DLG2: variants seen among roughly 807,000 people sequenced by gnomAD.
DLG2 encodes disks large homolog 2.
DLG2 carries 45 observed loss-of-function variants against 132.5 expected under a neutral mutation model. The ratio of observed to expected loss-of-function variants is 0.34; its 90% CI spans 0.27 to 0.44. The LOEUF (loss-of-function observed/expected upper bound fraction) is 0.44. DLG2 is among the 20% of genes least tolerant of loss of function. DLG2 has a pLI of 1.00. For synonymous variants in DLG2, 424 were observed against 419.6 expected (o/e 1.01, Z -0.13); for missense variants, 1,045 against 1,196.9 (o/e 0.87, Z 1.87).
intron 6 of DLG2, among the ~76,000 whole-genome samples, chr11:84,703,857 G>GATATATATGTGTGTATATATATATATAT (rs1555174774): frequency 4.9e-5 from 5 of 102,714 alleles, no homozygotes; most frequent in African/African-American, 2.1e-4. Flanking sequence ...ATGTAGTGAA[G>GATATATATGTGTGTATATATATATATAT]ATATATATAT....
intron 6 of DLG2, among the ~76,000 whole-genome samples, chr11:85,025,857 A>G (rs952429748): frequency 1.3e-5 from 2 of 151,678 alleles, no homozygotes; most frequent in African/African-American, 2.4e-5. Context: ...TATGATAAAC[A>G]TAACATTCTA....
In DLG2 at chr11:83,594,889, T is replaced by C. The variant is rs577358537; in HGVS notation, c.1940+38322A>G. 3.9e-5 allele frequency among the ~76,000 whole-genome samples: 6 copies of C among 152,330 alleles called. No individual in the cohort carries two copies. In the South Asian group the frequency reaches 1.2e-3, roughly 32 times the overall value. ...AGAAATAGAATAGGCTTAGGCTCCATACAGCTGAGCTGAGTTTGAACTAAA... is the reference window on the plus strand; with the variant it reads ...AGAAATAGAATAGGCTTAGGCTCCACACAGCTGAGCTGAGTTTGAACTAAA... On this transcript the variant is annotated intron_variant, in intron 19 of 27. Transcript: ENST00000376104.
chr11:83,849,657 T>C (rs2059291891), intron 16 of DLG2, among the ~76,000 whole-genome samples: 1 of 152,094 alleles, frequency 6.6e-6, no homozygotes, highest in South Asian at 2.1e-4. Flanking sequence ...CAGAATTATT[T>C]GCTTTGTGAA....
chr11:83,930,959 A>T (rs951926578), intron 14 of DLG2, among the ~76,000 whole-genome samples: 2 of 152,230 alleles, frequency 1.3e-5, no homozygotes, highest in Non-Finnish European at 2.9e-5. Flanking sequence ...GAGTGGCACT[A>T]TACCAACTCT....
chr11:84,231,978 T>C (rs905171355), intron 8 of DLG2, among the ~76,000 whole-genome samples: 1 of 151,800 alleles, frequency 6.6e-6, no homozygotes, highest in East Asian at 1.9e-4. Context: ...AGAAATGTAA[T>C]GTGAGTTGAG....
intron 3 of DLG2, among the ~76,000 whole-genome samples, chr11:85,297,840 A>G (rs1219022242): frequency 6.6e-6 from 1 of 152,188 alleles, no homozygotes; most frequent in African/African-American, 2.4e-5. Flanking sequence ...AGAGCCTGAC[A>G]GAATGAGGAA....
chr11:85,411,263 C>T (rs903416720), intron 3 of DLG2, among the ~76,000 whole-genome samples: 1 of 150,702 alleles, frequency 6.6e-6, no homozygotes, highest in African/African-American at 2.4e-5. Context: ...AAAATAAGGA[C>T]AAAAAAGAGG....
chr11:85,025,215 T>C (rs867754231), intron 6 of DLG2, among the ~76,000 whole-genome samples: 28 of 152,190 alleles, frequency 1.8e-4, no homozygotes, highest in African/African-American at 6.0e-4. Flanking sequence ...TTATGTATAT[T>C]TGAGTACATA....
At chr11:83,763,667 A>T (rs2094012557) in intron 18 of DLG2, among the ~76,000 whole-genome samples, 1 of 152,214 alleles carries the variant, frequency 6.6e-6, no homozygotes, top group African/African-American at 2.4e-5. Context: ...GCTGCATCTT[A>T]CAGTTGATCA....
chr11:85,591,983 T>C (rs571488032), intron 3 of DLG2, among the ~76,000 whole-genome samples: 1 of 152,324 alleles, frequency 6.6e-6, no homozygotes, highest in South Asian at 2.1e-4. Context: ...ATCCTATTAA[T>C]AACAAGGCTC....
intron 3 of DLG2, among the ~76,000 whole-genome samples, chr11:85,594,247 C>A (rs758860895): frequency 6.6e-6 from 1 of 152,136 alleles, no homozygotes; most frequent in Non-Finnish European, 1.5e-5. Context: ...TGTAATACAT[C>A]TGCTGTATCA....
At chr11:84,793,220 C>T (rs1396838661) in intron 6 of DLG2, among the ~76,000 whole-genome samples, 1 of 152,072 alleles carries the variant, frequency 6.6e-6, no homozygotes, top group African/African-American at 2.4e-5. Context: ...TGTAATGTTT[C>T]AAAATTCGTC....
At chr11:84,378,421 A>C (rs1162486423) in intron 7 of DLG2, among the ~76,000 whole-genome samples, 1 of 152,166 alleles carries the variant, frequency 6.6e-6, no homozygotes, top group African/African-American at 2.4e-5. Context: ...GTGAGAAAAT[A>C]AATTTCTATT....
intron 6 of DLG2, among the ~76,000 whole-genome samples, chr11:85,066,309 A>C (rs1365081850): frequency 6.6e-6 from 1 of 150,778 alleles, no homozygotes; most frequent in East Asian, 2.0e-4. Context: ...GCAATAAAAA[A>C]CTCCCCTCCC....
chr11:84,573,304 T>G (rs1357374782), intron 6 of DLG2, among the ~76,000 whole-genome samples: 1 of 152,160 alleles, frequency 6.6e-6, no homozygotes, highest in African/African-American at 2.4e-5. Flanking sequence ...GATATCAATT[T>G]TCCATTTATA....
Position 84,806,878 on chromosome 11 carries a change from A to T in DLG2, c.358-272147T>A, listed in dbSNP as rs191293823. Among the ~76,000 whole-genome samples, 306 of 152,258 alleles carry T rather than the reference A, an allele frequency of 2.0e-3. 3 individuals carry two copies. Among genetic ancestry groups the T allele is most frequent in the African/African-American group, 6.7e-3 (278 of 41,564 alleles). On this transcript the variant is annotated intron_variant, in intron 6 of 27. Transcript: ENST00000376104. ...GTCTAATGTAGATGAAATATTTTTT[A>T]AAAAATATATAGGGAAGACTAAGGG...
intron 12 of DLG2, among the ~76,000 whole-genome samples, chr11:83,976,737 G>A (rs553385722): frequency 6.6e-6 from 1 of 151,814 alleles, no homozygotes; most frequent in African/African-American, 2.4e-5. Flanking sequence ...TACTGTTGAA[G>A]TTTCTTTAAA....
chr11:83,507,073 T>C (rs556716841), intron 21 of DLG2, among the ~76,000 whole-genome samples: 2 of 152,152 alleles, frequency 1.3e-5, no homozygotes, highest in Non-Finnish European at 2.9e-5. Context: ...AGCAGCTTCA[T>C]TATGTTCCTT....
At chr11:84,829,542 TGG>T (rs1482263179) in intron 6 of DLG2, among the ~76,000 whole-genome samples, 1 of 151,718 alleles carries the variant, frequency 6.6e-6, no homozygotes, top group Non-Finnish European at 1.5e-5. Context: ...CGTAGTAAAG[TGG>T]AAAGACCACG....
Sources: allele counts gnomAD v4.1 joint callset (sites outside exome capture counted in the v4.1 genomes callset), GRCh38; gene constraint gnomAD v4.1.1; transcripts MANE v1.5; gene names NCBI Gene and HGNC (gene_info 2026-07-23, HGNC 2026-07-21).